The following GTF2A1L variants were observed in gnomAD, a reference collection of about 807,000 sequenced individuals.
The protein encoded by GTF2A1L is TFIIA-alpha and beta-like factor.
A neutral mutation model predicts 49.7 loss-of-function variants in GTF2A1L; 48 were observed. The ratio of observed to expected loss-of-function variants is 0.97; its 90% CI spans 0.77 to 1.23. The LOEUF is 1.23. Ranked by LOEUF, GTF2A1L falls within the 50% of genes most tolerant of loss-of-function variation. The pLI is 0.00. For synonymous variants in GTF2A1L, 246 were observed against 193.5 expected, an observed-to-expected ratio of 1.27 and a Z score of -2.25; for missense variants, 736 against 564.8, an observed-to-expected ratio of 1.30 and a Z score of -3.07.
rs760498689 is a variant in GTF2A1L, at chr2:48,620,867, C to G, written c.38C>G (p.Ser13Cys). Reference sequence around the variant, plus strand: ...TTTATGTAGCCTAAACTCTACAGATCTGTAATTGAAGATGTAATTGAAGGA... The same window carrying G: ...TTTATGTAGCCTAAACTCTACAGATGTGTAATTGAAGATGTAATTGAAGGA... ...CLNPVPKLYR[S>C]VIEDVIEGVR... The change falls in exon 2 of 9, where the codon TCT (serine) becomes TGT (cysteine). Residue 13 changes from serine to cysteine, a missense_variant. Ser to Cys is a moderately radical substitution (Grantham distance 112, BLOSUM62 -1). Coordinates refer to ENST00000403751, the MANE Select transcript of GTF2A1L (RefSeq NM_006872.5). The G allele has an allele frequency of 1.9e-6, 3 of 1,583,490 alleles. No individual in the cohort carries two copies. The highest frequency in any genetic ancestry group is 2.6e-6 in the Non-Finnish European group (3 of 1,165,908).
chr2:48,654,674 G>A (rs1262069877), intron 6 of GTF2A1L, among the ~76,000 whole-genome samples: 1 of 152,130 alleles, frequency 6.6e-6, no homozygotes, highest in Non-Finnish European at 1.5e-5. Context: ...GTGAGCCACC[G>A]TGCCTGGATA....
At position 48,669,941 on chromosome 2, in the gene GTF2A1L, A is replaced by G. The variant is rs777055670; in HGVS notation, c.1198A>G (p.Ser400Gly). ...SISNEDSATN[S>G]SDNEDPQVNI... ...TTCAAATGAGGATTCAGCCACAAAC[A>G]GTAGTGATAATGAAGACCCTCAAGT... Residue 400 changes from serine to glycine, a missense_variant, in exon 7 of 9, where the codon AGT (serine) becomes GGT (glycine). By Grantham distance (56) the Ser-to-Gly change is moderately conservative. Transcript: ENST00000403751. 1 of 1,614,088 alleles carries G rather than the reference A, an allele frequency of 6.2e-7. No individual in the cohort carries two copies. The highest frequency in any genetic ancestry group is 1.1e-5 in the South Asian group (1 of 91,056).
At chr2:48,623,740 GAGAA>G (rs772774182) in intron 3 of GTF2A1L, among the ~76,000 whole-genome samples, 1 of 152,170 alleles carries the variant, frequency 6.6e-6, no homozygotes, top group Non-Finnish European at 1.5e-5. Context: ...TTAAAAAAGA[GAGAA>G]AGAAATGTCC....
chr2:48,637,967 C>G (rs1053885774), intron 3 of GTF2A1L, among the ~76,000 whole-genome samples: 6 of 152,158 alleles, frequency 3.9e-5, no homozygotes, highest in African/African-American at 1.4e-4. Context: ...TGCACACAAA[C>G]TAGAAAGCCT....
chr2:48,624,036 A>T (rs1676160886), intron 3 of GTF2A1L, among the ~76,000 whole-genome samples: 1 of 152,178 alleles, frequency 6.6e-6, no homozygotes, highest in Non-Finnish European at 1.5e-5. Flanking sequence ...AAACCTGTAC[A>T]CATACCCCCT....
At chr2:48,631,535 G>T (rs1676576910) in intron 3 of GTF2A1L, among the ~76,000 whole-genome samples, 1 of 151,824 alleles carries the variant, frequency 6.6e-6, no homozygotes, top group Non-Finnish European at 1.5e-5. Flanking sequence ...TCTAGTTAGT[G>T]TTCTATCGAT....
chr2:48,642,881 TAA>T (rs1677281467), intron 4 of GTF2A1L, among the ~76,000 whole-genome samples: 1 of 147,330 alleles, frequency 6.8e-6, no homozygotes, highest in Non-Finnish European at 1.5e-5. Context: ...AAAGATGTGG[TAA>T]AGAGTGGGGT....
At chr2:48,661,090 C>T (rs1017119752) in intron 6 of GTF2A1L, among the ~76,000 whole-genome samples, 1 of 151,248 alleles carries the variant, frequency 6.6e-6, no homozygotes, top group Non-Finnish European at 1.5e-5. Context: ...TTTTCTCTAA[C>T]ATTATTATTT....
intron 1 of GTF2A1L, among the ~76,000 whole-genome samples, chr2:48,618,347 C>T (rs1675779934): frequency 6.6e-6 from 1 of 152,150 alleles, no homozygotes; most frequent in South Asian, 2.1e-4. Flanking sequence ...CACTACCCGC[C>T]CATTTCGTTG....
rs1465443334 is a variant in GTF2A1L, at chr2:48,628,161, G to A, written c.247+6871G>A. 2.1e-5 allele frequency among the ~76,000 whole-genome samples: 3 copies of A among 143,936 alleles called. 1 individual carries two copies. Among genetic ancestry groups the A allele is most frequent in the African/African-American group, 7.4e-5 (3 of 40,444 alleles). The allele number at this position is 143,936 out of a possible 152,430, so 94.4% of individuals were successfully genotyped here. On this transcript the variant is annotated intron_variant, in intron 3 of 8. Transcript: ENST00000403751. Reference sequence around the variant, plus strand: ...CCTGGATTGGTTGCATGTCATTGCTGTTGTGAATAGTACTGTGATGAACAT... The same window carrying A: ...CCTGGATTGGTTGCATGTCATTGCTATTGTGAATAGTACTGTGATGAACAT...
Position 48,661,210 on chromosome 2 carries a change from A to G in GTF2A1L, c.979-8512A>G, listed in dbSNP as rs1326740867. Among the ~76,000 whole-genome samples, 4 of 141,586 alleles carry G rather than the reference A, an allele frequency of 2.8e-5. No homozygotes were observed. In the East Asian group the frequency reaches 8.3e-4, roughly 29 times the overall value. The allele number at this position is 141,586 out of a possible 152,430, so 92.9% of individuals were successfully genotyped here. Reference sequence around the variant, plus strand: ...GCTCTTTTAAAATGTAAGCACTTATACATGTCCCTCCCCATTGTTTTCACT... The same window carrying G: ...GCTCTTTTAAAATGTAAGCACTTATGCATGTCCCTCCCCATTGTTTTCACT... On this transcript the variant is annotated intron_variant, in intron 6 of 8. Coordinates refer to ENST00000403751, the MANE Select transcript of GTF2A1L (RefSeq NM_006872.5).
intron 6 of GTF2A1L, among the ~76,000 whole-genome samples, chr2:48,648,505 G>T (rs969761261): frequency 6.6e-6 from 1 of 152,052 alleles, no homozygotes; most frequent in African/African-American, 2.4e-5. Flanking sequence ...ATTAATCAAG[G>T]ATTGATTGGG....
intron 5 of GTF2A1L, among the ~76,000 whole-genome samples, chr2:48,645,933 C>T (rs865932307): frequency 5.3e-5 from 8 of 150,114 alleles, no homozygotes; most frequent in East Asian, 3.9e-4. Context: ...CAGGCATGAG[C>T]CACCGCGCCT....
At chr2:48,658,999 A>G (rs767379206) in intron 6 of GTF2A1L, among the ~76,000 whole-genome samples, 2 of 152,162 alleles carry the variant, frequency 1.3e-5, no homozygotes, top group Non-Finnish European at 2.9e-5. Flanking sequence ...TTCCTTTAAG[A>G]TGCTAGAAAT....
intron 3 of GTF2A1L, among the ~76,000 whole-genome samples, chr2:48,623,133 C>G (rs923109992): frequency 2.6e-5 from 4 of 152,118 alleles, no homozygotes; most frequent in African/African-American, 9.7e-5. Flanking sequence ...TTGTTCCTGT[C>G]TCTCTTCATC....
intron 3 of GTF2A1L, among the ~76,000 whole-genome samples, chr2:48,621,836 C>T (rs548816206): frequency 6.6e-6 from 1 of 152,260 alleles, no homozygotes; most frequent in South Asian, 2.1e-4. Flanking sequence ...TAGACTTCTG[C>T]TTTTAAGGGA....
At position 48,644,445 on chromosome 2, in the gene GTF2A1L, G is replaced by C. The variant is rs80173254; in HGVS notation, c.304-588G>C. 6.9e-3 allele frequency among the ~76,000 whole-genome samples: 1,055 copies of C among 152,148 alleles called. 12 individuals carry two copies. The highest frequency in any genetic ancestry group is 0.024 in the African/African-American group (1,008 of 41,502). On this transcript the variant is annotated intron_variant, in intron 4 of 8. Coordinates refer to ENST00000403751, the MANE Select transcript of GTF2A1L (RefSeq NM_006872.5). ...ACAGTTTAATTAACAAACTTTTGTTGGTGAACATTTAAATTATTTCCAGCA... is the reference window on the plus strand; with the variant it reads ...ACAGTTTAATTAACAAACTTTTGTTCGTGAACATTTAAATTATTTCCAGCA...
chr2:48,641,336 A>G (rs568822969), intron 3 of GTF2A1L, among the ~76,000 whole-genome samples: 93 of 152,276 alleles, frequency 6.1e-4, no homozygotes, highest in African/African-American at 2.0e-3. Flanking sequence ...TTAACCATCA[A>G]TCTGTAGCCT....
chr2:48,635,317 G>C (rs868462349), intron 3 of GTF2A1L, among the ~76,000 whole-genome samples: 2 of 152,148 alleles, frequency 1.3e-5, no homozygotes, highest in Non-Finnish European at 2.9e-5. Context: ...CAAAGGTCTA[G>C]ACATCTGCCT....
Sources: allele counts gnomAD v4.1 joint callset (sites outside exome capture counted in the v4.1 genomes callset), GRCh38; gene constraint gnomAD v4.1.1; transcripts MANE v1.5; gene names NCBI Gene and HGNC (gene_info 2026-07-23, HGNC 2026-07-21).